The following RANBP17 variants were observed in gnomAD, a reference collection of about 807,000 sequenced individuals.
RANBP17 encodes the protein ran-binding protein 17.
A neutral mutation model predicts 141.2 loss-of-function variants in RANBP17; 158 were observed. The observed-to-expected ratio is 1.12, with a 90% confidence interval of 0.98 to 1.28. The LOEUF (loss-of-function observed/expected upper bound fraction) is 1.28, where lower values mean the gene tolerates loss of function less well. RANBP17 is among the 50% of genes most tolerant of loss of function. The pLI is 0.00. For synonymous variants in RANBP17, 430 were observed against 450.0 expected (o/e 0.96, Z 0.56); for missense variants, 1,438 against 1,290.7 (o/e 1.11, Z -1.75).
chr5:171,241,243 C>T (rs138777212), intron 23 of RANBP17, 101 bp downstream of exon 23: 1 of 849,486 alleles, frequency 1.2e-6, no homozygotes, highest in African/African-American at 1.7e-5. Context: ...TAGCCTAGAA[C>T]ATTTTATGTT....
intron 14 of RANBP17, among the ~76,000 whole-genome samples, chr5:171,083,914 T>A (rs1785429690): frequency 6.6e-6 from 1 of 151,824 alleles, no homozygotes; most frequent in Non-Finnish European, 1.5e-5. Flanking sequence ...GAACTGTAAG[T>A]CCAATAAACC....
chr5:170,935,045 T>C (rs1362754980), intron 12 of RANBP17, among the ~76,000 whole-genome samples: 1 of 152,244 alleles, frequency 6.6e-6, no homozygotes, highest in African/African-American at 2.4e-5. Flanking sequence ...TCTAACTTCA[T>C]TTCATTCATT....
chr5:171,062,567 A>G (rs1027025640), intron 14 of RANBP17, among the ~76,000 whole-genome samples: 2 of 152,214 alleles, frequency 1.3e-5, no homozygotes, highest in Admixed American at 6.5e-5. Flanking sequence ...GGGTAACCCA[A>G]CCTTTCTCTC....
chr5:171,058,710 A>G (rs1783586859), intron 14 of RANBP17, among the ~76,000 whole-genome samples: 1 of 150,662 alleles, frequency 6.6e-6, no homozygotes, highest in South Asian at 2.1e-4. Flanking sequence ...TGATATTTCT[A>G]GTTCTAGATC....
chr5:170,998,686 G>T (rs1779001977), intron 14 of RANBP17, among the ~76,000 whole-genome samples: 1 of 152,162 alleles, frequency 6.6e-6, no homozygotes, highest in East Asian at 1.9e-4. Flanking sequence ...TGTCTTGGAT[G>T]TTCATTCAGA....
At chr5:171,164,673 T>C (rs1380411850) in intron 14 of RANBP17, among the ~76,000 whole-genome samples, 1 of 152,232 alleles carries the variant, frequency 6.6e-6, no homozygotes, top group Non-Finnish European at 1.5e-5. Context: ...AAATCTGTAA[T>C]AATGATAATT....
intron 14 of RANBP17, among the ~76,000 whole-genome samples, chr5:171,025,913 T>G (rs1478072517): frequency 6.6e-6 from 1 of 152,184 alleles, no homozygotes; most frequent in East Asian, 1.9e-4. Context: ...GTGCACTTAT[T>G]ACATCTGTGA....
At chr5:170,911,457 T>C (rs533120605) in intron 7 of RANBP17, 5 of 667,466 alleles carry the variant, frequency 7.5e-6, no homozygotes, top group South Asian at 1.5e-5. Context: ...AGGATCCCAC[T>C]CTGTTTATGA....
chr5:171,192,332 GC>G (rs1473826414), intron 18 of RANBP17, among the ~76,000 whole-genome samples: 1 of 152,164 alleles, frequency 6.6e-6, no homozygotes, highest in Non-Finnish European at 1.5e-5. Context: ...GCAGAAAGCA[GC>G]CCATTAAGTC....
chr5:171,220,738 G>A (rs548691790), intron 21 of RANBP17, among the ~76,000 whole-genome samples: 34 of 152,168 alleles, frequency 2.2e-4, no homozygotes, highest in African/African-American at 7.7e-4. Flanking sequence ...ATGAGCCACC[G>A]CGCCTGGTCC....
At chr5:171,048,538 G>A (rs1000585604) in intron 14 of RANBP17, among the ~76,000 whole-genome samples, 6 of 151,742 alleles carry the variant, frequency 4.0e-5, no homozygotes, top group African/African-American at 1.5e-4. Flanking sequence ...TAGGTAAATT[G>A]TGTGTCACAT....
intron 22 of RANBP17, among the ~76,000 whole-genome samples, chr5:171,239,806 G>A (rs543317361): frequency 1.3e-5 from 2 of 152,302 alleles, no homozygotes; most frequent in East Asian, 3.9e-4. Flanking sequence ...AGCAGGGCTG[G>A]TAGTTCTAGA....
At chr5:170,940,391 A>T (rs753166569) in intron 12 of RANBP17, among the ~76,000 whole-genome samples, 40 of 152,200 alleles carry the variant, frequency 2.6e-4, no homozygotes, top group Non-Finnish European at 4.9e-4. Context: ...GAGCACTGAC[A>T]TGATGCTCAG....
intron 14 of RANBP17, among the ~76,000 whole-genome samples, chr5:171,121,284 C>G (rs990215789): frequency 2.0e-5 from 3 of 152,230 alleles, no homozygotes; most frequent in Admixed American, 2.0e-4. Context: ...TGCATAACTG[C>G]TCCACCAGTC....
intron 12 of RANBP17, among the ~76,000 whole-genome samples, chr5:170,948,269 A>G (rs1325862597): frequency 2.0e-5 from 3 of 152,230 alleles, no homozygotes; most frequent in African/African-American, 7.2e-5. Context: ...GATTGACCAT[A>G]TAATTAAAGC....
At chr5:170,981,583 T>C (rs1174587379) in intron 14 of RANBP17, among the ~76,000 whole-genome samples, 1 of 151,866 alleles carries the variant, frequency 6.6e-6, no homozygotes, top group Non-Finnish European at 1.5e-5. Flanking sequence ...TGCCTGCCAC[T>C]ATCCATGTAA....
chr5:171,044,151 G>T (rs1312685287), intron 14 of RANBP17, among the ~76,000 whole-genome samples: 1 of 152,002 alleles, frequency 6.6e-6, no homozygotes, highest in Non-Finnish European at 1.5e-5. Flanking sequence ...AAAGGTATTA[G>T]TTGCTTTCTT....
intron 14 of RANBP17, chr5:171,158,338 T>C (rs1759048300): frequency 5.4e-6 from 1 of 184,884 alleles, no homozygotes; most frequent in Non-Finnish European, 1.1e-5. Context: ...CCCTAGGCCT[T>C]GCGTGGCTCC....
intron 14 of RANBP17, among the ~76,000 whole-genome samples, chr5:170,979,350 G>A (rs1195264856): frequency 2.0e-5 from 3 of 152,108 alleles, no homozygotes; most frequent in Non-Finnish European, 2.9e-5. Context: ...AAGAACTCTA[G>A]TTAAATATAG....
Sources: allele counts gnomAD v4.1 joint callset (sites outside exome capture counted in the v4.1 genomes callset), GRCh38; gene constraint gnomAD v4.1.1; transcripts MANE v1.5; gene names NCBI Gene and HGNC (gene_info 2026-07-23, HGNC 2026-07-21).